Variants in USP37 observed in about 807,000 individuals in gnomAD.
USP37 encodes ubiquitin specific peptidase 37.
A neutral mutation model predicts 124.0 loss-of-function variants in USP37; 27 were observed. The observed-to-expected ratio is 0.22, with a 90% confidence interval of 0.16 to 0.30. USP37 has a LOEUF of 0.30. Ranked by LOEUF, USP37 falls within the 10% of genes least tolerant of loss-of-function variation. The probability of loss-of-function intolerance (pLI) is 1.00; values close to 1 mark genes in which losing one functional copy is unlikely to be tolerated. For synonymous variants in USP37, 365 were observed against 388.0 expected, an observed-to-expected ratio of 0.94 and a Z score of 0.70; for missense variants, 889 against 1,140.4, an observed-to-expected ratio of 0.78 and a Z score of 3.17.
chr2:218,483,911 C>A (rs1691396087), intron 16 of USP37, among the ~76,000 whole-genome samples: 1 of 152,188 alleles, frequency 6.6e-6, no homozygotes, highest in Non-Finnish European at 1.5e-5. Flanking sequence ...ATGATTTATA[C>A]ACTTGAGGAG....
chr2:218,495,818 T>C lies in USP37; in HGVS notation c.1414A>G (p.Thr472Ala). ...TCCAAATTAGTAATAACAGGGCAAG[T>C]GTATGCTCTGGTAGCTGAAATATCT... ...SPDISATRAY[T>A]CPVITNLEFE... Residue 472 changes from threonine to alanine, a missense_variant, in exon 14 of 26, where the codon ACT becomes GCT. Physicochemically the swap from Thr to Ala is moderately conservative, Grantham distance 58. Transcript: ENST00000258399. 1 of 1,613,962 alleles carries C rather than the reference T, an allele frequency of 6.2e-7. No individual in the cohort carries two copies. Among genetic ancestry groups the C allele is most frequent in the Non-Finnish European group, 8.5e-7 (1 of 1,180,020 alleles).
chr2:218,497,825 A>G lies in USP37; in HGVS notation c.1190T>C (p.Ile397Thr), dbSNP rs1437068912. Reference protein sequence around the residue: ...RFAHLLVKKDICNSETKKDLL... With the variant: ...RFAHLLVKKDTCNSETKKDLL... Reference sequence around the variant, plus strand: ...ATCCTTTTTGGTCTCTGAATTACAGATATCTTTTTTAACAAGCAAGTGTGC... The same window carrying G: ...ATCCTTTTTGGTCTCTGAATTACAGGTATCTTTTTTAACAAGCAAGTGTGC... The change falls in exon 13 of 26, where the codon ATC becomes ACC. Residue 397 changes from isoleucine (I) to threonine (T), a missense_variant. Ile to Thr is a moderately conservative substitution (Grantham distance 89). This residue lies in a region of USP37 where 504 missense variants were observed against 714.3 expected (regional missense o/e 0.71). Coordinates refer to ENST00000258399, the MANE Select transcript of USP37 (RefSeq NM_020935.3). The G allele has an allele frequency of 6.2e-7, 1 of 1,614,028 alleles. No individual in the cohort carries two copies. The highest frequency in any genetic ancestry group is 1.3e-5 in the African/African-American group (1 of 75,052).
rs970849999 is a variant in USP37, at chr2:218,463,451, A to T, written c.2467-85T>A. The T allele has an allele frequency of 2.3e-5, 28 of 1,236,480 alleles. No individual in the cohort carries two copies. In the African/African-American group the frequency reaches 3.7e-4, roughly 17 times the overall value. The allele number at this position is 1,236,480 out of a possible 1,614,324, so 76.6% of individuals were successfully genotyped here. On this transcript the variant is annotated intron_variant, in intron 21 of 25. Transcript: ENST00000258399. ...TGAGGATAAAATCAGTTTCTCTGGA[A>T]GCATTTGCTAAGAATGCTTTCTATA...
chr2:218,510,768 G>A (rs753001041), intron 10 of USP37, among the ~76,000 whole-genome samples: 9 of 152,048 alleles, frequency 5.9e-5, no homozygotes, highest in African/African-American at 1.7e-4. Context: ...CAAGGTGGGC[G>A]GATTGCTTGA....
At position 218,450,921 on chromosome 2, in the gene USP37, T is replaced by G. The variant is rs1293583204; in HGVS notation, c.*4009A>C. On this transcript the variant is annotated 3_prime_UTR_variant, in exon 26 of 26. Transcript: ENST00000258399. ...GCACACATGGAGACAACTTACTAAT[T>G]GTGTGTAAGTATGATACAATGAATG... is the stretch of plus-strand genomic sequence containing the variant. 6.6e-6 allele frequency: 1 copy of G among 152,168 alleles called. No individual in the cohort carries two copies. Among genetic ancestry groups the G allele is most frequent in the African/African-American group, 2.4e-5 (1 of 41,430 alleles). The allele number at this position is 152,168 out of a possible 1,614,324, so 9.4% of individuals were successfully genotyped here.
chr2:218,468,841 G>A (rs1480207377), intron 20 of USP37, among the ~76,000 whole-genome samples: 2 of 152,132 alleles, frequency 1.3e-5, no homozygotes, highest in East Asian at 3.9e-4. Context: ...TTACAGGCGT[G>A]TGCCACCACA....
intron 25 of USP37, 104 bp from the exon 26 acceptor site, chr2:218,455,121 A>G (rs1422126913): frequency 7.6e-7 from 1 of 1,319,452 alleles, no homozygotes; most frequent in Non-Finnish European, 1.1e-6. Flanking sequence ...TAAGGCCTTC[A>G]CAATTCCATT....
intron 21 of USP37, 136 bp downstream of exon 21, chr2:218,465,874 T>TC: frequency 2.6e-6 from 3 of 1,160,048 alleles, no homozygotes; most frequent in Non-Finnish European, 3.5e-6. Flanking sequence ...GTCTTTTTTT[T>TC]CCCCAATGAC....
At chr2:218,523,976 C>G (rs1389436338) in intron 10 of USP37, among the ~76,000 whole-genome samples, 2 of 152,142 alleles carry the variant, frequency 1.3e-5, no homozygotes, top group African/African-American at 4.8e-5. Flanking sequence ...AACTTTTTAT[C>G]AAACTAGGAA....
chr2:218,551,111 T>C (rs1692795415), intron 5 of USP37, among the ~76,000 whole-genome samples: 1 of 152,228 alleles, frequency 6.6e-6, no homozygotes, highest in Non-Finnish European at 1.5e-5. Context: ...GTGTATTAAC[T>C]TCCTAAATGG....
At chr2:218,490,015 T>C (rs1378409689) in intron 14 of USP37, among the ~76,000 whole-genome samples, 1 of 152,146 alleles carries the variant, frequency 6.6e-6, no homozygotes, top group Non-Finnish European at 1.5e-5. Context: ...AGCATTTAGG[T>C]TGTTTCCAGT....
At chr2:218,499,662 C>T (rs1199341731) in intron 11 of USP37, among the ~76,000 whole-genome samples, 3 of 152,156 alleles carry the variant, frequency 2.0e-5, no homozygotes, top group Admixed American at 6.6e-5. Context: ...AGATTCAGTC[C>T]AGGATCACAT....
At position 218,452,925 on chromosome 2, in the gene USP37, C is replaced by T. The variant is rs1476417121; in HGVS notation, c.*2005G>A. 6.6e-6 allele frequency: 1 copy of T among 152,100 alleles called. No individual in the cohort carries two copies. Among genetic ancestry groups the T allele is most frequent in the African/African-American group, 2.4e-5 (1 of 41,434 alleles). 9.4% of individuals were successfully genotyped at this position (152,100 alleles called of 1,614,324 possible). A position where few individuals can be genotyped will look rare whatever the true frequency, so the allele number is the denominator to read the frequency against. On this transcript the variant is annotated 3_prime_UTR_variant, in exon 26 of 26. Coordinates refer to ENST00000258399, the MANE Select transcript of USP37 (RefSeq NM_020935.3). ...ATTTCCAAGCAAAATCAAACCAAAC[C>T]AAAGAGGCTCCTGGTAGAAATGAAA...
At chr2:218,498,229 C>T in intron 11 of USP37, 72 bp from the exon 12 acceptor site, 1 of 1,431,294 alleles carries the variant, frequency 7.0e-7, no homozygotes, top group Non-Finnish European at 9.2e-7. Context: ...AGTAGGAGTT[C>T]TCCACTTTAT....
At chr2:218,466,238 G>A (rs1690311343) in intron 20 of USP37, 62 bp from the exon 21 acceptor site, 1 of 1,510,628 alleles carries the variant, frequency 6.6e-7, no homozygotes, top group South Asian at 1.3e-5. Context: ...TTCTGAACTA[G>A]AGTGACACCT....
intron 23 of USP37, among the ~76,000 whole-genome samples, chr2:218,458,342 T>C (rs1326353631): frequency 6.8e-6 from 1 of 147,530 alleles, no homozygotes; most frequent in Admixed American, 6.9e-5. Context: ...GAGGCAGAGA[T>C]GGGTGGATCC....
intron 7 of USP37, 54 bp from the exon 8 acceptor site, chr2:218,546,352 A>G: frequency 7.7e-7 from 1 of 1,301,138 alleles, no homozygotes; most frequent in South Asian, 1.3e-5. Flanking sequence ...CATATCACAA[A>G]AATTCATAAA....
chr2:218,457,047 T>C, intron 24 of USP37, 45 bp downstream of exon 24: 1 of 1,574,738 alleles, frequency 6.4e-7, no homozygotes. Flanking sequence ...GAGCAAATGC[T>C]GACTAGTTCA....
At chr2:218,481,439 T>C (rs1287999127) in intron 17 of USP37, among the ~76,000 whole-genome samples, 1 of 152,190 alleles carries the variant, frequency 6.6e-6, no homozygotes. Context: ...TCAGTATTTT[T>C]AGTGTCTAGG....
Sources: gnomAD v4.1 joint callset for allele counts (sites outside exome capture counted in the v4.1 genomes callset) on GRCh38, gnomAD v4.1.1 for gene constraint, gnomAD v4.1.1 regional missense constraint, MANE v1.5 for transcripts, NCBI Gene and HGNC (gene_info 2026-07-23, HGNC 2026-07-21) for gene names.